Variants in PARD3 observed in about 807,000 individuals in gnomAD.
PARD3 encodes the protein partitioning defective 3 homolog.
Under a neutral mutation model 155.4 loss-of-function variants are expected in PARD3, and 75 were observed. The ratio of observed to expected loss-of-function variants is 0.48; its 90% CI spans 0.40 to 0.58. The LOEUF (loss-of-function observed/expected upper bound fraction) is 0.58. Ranked by LOEUF, PARD3 falls within the 20% of genes least tolerant of loss-of-function variation. PARD3 has a pLI of 0.00. For synonymous variants in PARD3, 576 were observed against 610.5 expected (o/e 0.94, Z 0.83); for missense variants, 1,642 against 1,721.7 (o/e 0.95, Z 0.82).
chr10:34,777,697 AT>A (rs879287108), intron 1 of PARD3, among the ~76,000 whole-genome samples: 8,529 of 143,826 alleles, frequency 0.059, 274 homozygotes, highest in Non-Finnish European at 0.08. Flanking sequence ...CAGTCAGCTA[AT>A]TTTTTTTTTT....
chr10:34,183,942 G>A (rs1211521323), intron 22 of PARD3, among the ~76,000 whole-genome samples: 1 of 152,188 alleles, frequency 6.6e-6, no homozygotes. Flanking sequence ...TCAGCCTCCT[G>A]GGTAGCTGAG....
intron 22 of PARD3, among the ~76,000 whole-genome samples, chr10:34,258,117 C>CTCAGGCCCGTAATGT (rs1189276914): frequency 6.6e-6 from 1 of 152,174 alleles, no homozygotes; most frequent in Non-Finnish European, 1.5e-5. Flanking sequence ...GATTGGATGT[C>CTCAGGCCCGTAATGT]TTACAGGCCC....
At chr10:34,406,214 A>G (rs945882278) in intron 5 of PARD3, among the ~76,000 whole-genome samples, 2 of 152,236 alleles carry the variant, frequency 1.3e-5, no homozygotes, top group African/African-American at 4.8e-5. Flanking sequence ...TATCTTCTAC[A>G]CTGAAAAAAC....
At chr10:34,118,634 C>A (rs1055634506) in intron 24 of PARD3, among the ~76,000 whole-genome samples, 5 of 152,200 alleles carry the variant, frequency 3.3e-5, no homozygotes, top group Non-Finnish European at 1.5e-5. Context: ...ACCTGAGCCA[C>A]CGTGCCTGGC....
intron 5 of PARD3, among the ~76,000 whole-genome samples, chr10:34,425,178 C>T (rs971789776): frequency 2.6e-5 from 4 of 152,006 alleles, no homozygotes; most frequent in Admixed American, 6.6e-5. Context: ...CCCTCCTAAG[C>T]GTTCTCTCTT....
chr10:34,786,925 A>G (rs1361775227), intron 1 of PARD3, among the ~76,000 whole-genome samples: 1 of 152,150 alleles, frequency 6.6e-6, no homozygotes, highest in Non-Finnish European at 1.5e-5. Flanking sequence ...GTAGATAGAC[A>G]GTTGCAATGC....
chr10:34,350,748 T>G (rs1372213405), intron 14 of PARD3, among the ~76,000 whole-genome samples: 1 of 152,188 alleles, frequency 6.6e-6, no homozygotes, highest in African/African-American at 2.4e-5. Context: ...AAAATTTTCT[T>G]GACTCCAACT....
rs1378158423 is a variant in PARD3 at position 34,710,677 on chromosome 10, C to T, written c.121-14258G>A. Among the ~76,000 whole-genome samples the T allele has an allele frequency of 2.0e-5, 3 of 152,176 alleles. No individual in the cohort carries two copies. In the South Asian group the frequency reaches 6.2e-4, roughly 32 times the overall value. ...GTGACCAGCCTCAGCGTTGCCTCACCGTATTTCGATGTTCAATTGTTCTGT... is the reference window on the plus strand; with the variant it reads ...GTGACCAGCCTCAGCGTTGCCTCACTGTATTTCGATGTTCAATTGTTCTGT... On this transcript the variant is annotated intron_variant, in intron 1 of 24. Coordinates refer to ENST00000374788, the MANE Select transcript of PARD3 (RefSeq NM_001184785.2).
At chr10:34,421,316 TTAAG>T (rs1214467807) in intron 5 of PARD3, among the ~76,000 whole-genome samples, 4 of 150,166 alleles carry the variant, frequency 2.7e-5, no homozygotes, top group South Asian at 2.1e-4. Context: ...AACTAGTTAT[TTAAG>T]TAATAAATTA....
intron 22 of PARD3, among the ~76,000 whole-genome samples, chr10:34,245,619 G>C (rs1322622900): frequency 8.5e-6 from 1 of 117,264 alleles, no homozygotes; most frequent in Non-Finnish European, 1.8e-5. Flanking sequence ...ACAAAACAAG[G>C]AATGTGTGGA....
chr10:34,420,799 T>C (rs1846113842), intron 5 of PARD3, among the ~76,000 whole-genome samples: 2 of 152,360 alleles, frequency 1.3e-5, no homozygotes, highest in South Asian at 4.1e-4. Flanking sequence ...GTTCGGTTTC[T>C]TTTCTCAAAT....
intron 20 of PARD3, among the ~76,000 whole-genome samples, chr10:34,303,946 A>G (rs2134039850): frequency 6.6e-6 from 1 of 152,338 alleles, no homozygotes; most frequent in Admixed American, 6.5e-5. Context: ...GGAGCAAGAT[A>G]GAGGTACAAG....
chr10:34,588,633 G>GC (rs1324263069), intron 2 of PARD3, among the ~76,000 whole-genome samples: 1 of 152,140 alleles, frequency 6.6e-6, no homozygotes, highest in Admixed American at 6.6e-5. Flanking sequence ...AACATGGGCT[G>GC]CCCGATTCTC....
chr10:34,779,216 G>A (rs1279254843), intron 1 of PARD3, among the ~76,000 whole-genome samples: 3 of 152,174 alleles, frequency 2.0e-5, no homozygotes, highest in Non-Finnish European at 4.4e-5. Flanking sequence ...TGAGGCAGGA[G>A]AATCGCTTGA....
chr10:34,542,234 T>TGTGTGTGCTC, intron 2 of PARD3, among the ~76,000 whole-genome samples: 1 of 146,298 alleles, frequency 6.8e-6, no homozygotes, highest in African/African-American at 2.5e-5. Flanking sequence ...TGTGTGTGTG[T>TGTGTGTGCTC]GTGTGCACAC....
intron 22 of PARD3, among the ~76,000 whole-genome samples, chr10:34,258,346 G>A (rs1475605822): frequency 6.6e-6 from 1 of 152,104 alleles, no homozygotes; most frequent in Non-Finnish European, 1.5e-5. Flanking sequence ...AGAAGGATGT[G>A]GAATTACTTG....
chr10:34,681,732 A>ATT (rs2093828008), intron 2 of PARD3, among the ~76,000 whole-genome samples: 1 of 9,390 alleles, frequency 1.1e-4, no homozygotes, highest in African/African-American at 4.0e-4. Context: ...TATGTATTTT[A>ATT]TATATATATA....
intron 1 of PARD3, among the ~76,000 whole-genome samples, chr10:34,774,876 A>C (rs952195493): frequency 1.3e-5 from 2 of 152,166 alleles, no homozygotes; most frequent in African/African-American, 4.8e-5. Context: ...ATTTGATATA[A>C]TTTTTCATTT....
intron 3 of PARD3, among the ~76,000 whole-genome samples, chr10:34,480,161 A>C (rs913641979): frequency 2.6e-5 from 4 of 152,232 alleles, no homozygotes; most frequent in African/African-American, 9.6e-5. Context: ...ATAGGTGTGG[A>C]GGATCAAAGG....
Sources: gnomAD v4.1 joint callset for allele counts (sites outside exome capture counted in the v4.1 genomes callset) on GRCh38, gnomAD v4.1.1 for gene constraint, MANE v1.5 for transcripts, NCBI Gene and HGNC (gene_info 2026-07-23, HGNC 2026-07-21) for gene names.